The following CA10 variants were observed in gnomAD, a reference collection of about 807,000 sequenced individuals.
The protein encoded by CA10 is carbonic anhydrase 10 (inactive).
Under a neutral mutation model 44.2 loss-of-function variants are expected in CA10, and 14 were observed. The ratio of observed to expected loss-of-function variants is 0.32; its 90% confidence interval spans 0.21 to 0.50. CA10 has a LOEUF of 0.50. Ranked by LOEUF, CA10 falls within the 20% of genes least tolerant of loss-of-function variation. The probability of loss-of-function intolerance (pLI) is 0.99; values close to 1 mark genes in which losing one functional copy is unlikely to be tolerated. For synonymous variants in CA10, 159 were observed against 141.6 expected, an observed-to-expected ratio of 1.12 and a Z score of -0.87; for missense variants, 350 against 409.7, an observed-to-expected ratio of 0.85 and a Z score of 1.26.
At chr17:51,639,623 G>T (rs901031985) in intron 6 of CA10, among the ~76,000 whole-genome samples, 164 of 152,122 alleles carry the variant, frequency 1.1e-3, no homozygotes, top group African/African-American at 3.8e-3. Flanking sequence ...GAGGACATAG[G>T]CAGCTTCTGC....
chr17:51,780,644 T>C (rs763264521), intron 3 of CA10, among the ~76,000 whole-genome samples: 2 of 151,698 alleles, frequency 1.3e-5, no homozygotes, highest in Non-Finnish European at 2.9e-5. Context: ...AATGCAAGAG[T>C]AGAAGTACAC....
At chr17:52,123,327 A>ATG (rs36182455) in intron 1 of CA10, among the ~76,000 whole-genome samples, 3,036 of 147,042 alleles carry the variant, frequency 0.021, 56 homozygotes, top group African/African-American at 0.055. Flanking sequence ...TTACATATAT[A>ATG]TGTGTGTGTG....
At chr17:52,116,369 C>T (rs191153792) in intron 1 of CA10, among the ~76,000 whole-genome samples, 50 of 152,158 alleles carry the variant, frequency 3.3e-4, no homozygotes, top group Non-Finnish European at 6.6e-4. Flanking sequence ...ATAAGGAGTC[C>T]ATGAAACCCC....
chr17:51,873,814 C>T (rs1204838693), intron 3 of CA10, among the ~76,000 whole-genome samples: 1 of 152,128 alleles, frequency 6.6e-6, no homozygotes, highest in Non-Finnish European at 1.5e-5. Context: ...TGTTTTTCTT[C>T]AGCCCACCCA....
At chr17:51,796,705 T>C (rs1166654789) in intron 3 of CA10, among the ~76,000 whole-genome samples, 1 of 152,158 alleles carries the variant, frequency 6.6e-6, no homozygotes, top group African/African-American at 2.4e-5. Flanking sequence ...GAAGTCATTC[T>C]CCTAACTTTA....
intron 3 of CA10, among the ~76,000 whole-genome samples, chr17:51,903,162 G>A (rs1476650029): frequency 1.3e-5 from 2 of 152,078 alleles, no homozygotes; most frequent in East Asian, 1.9e-4. Context: ...TATGGCAAAG[G>A]ATAGTTAGTG....
chr17:51,982,728 A>C (rs117479246), intron 2 of CA10, among the ~76,000 whole-genome samples: 1,598 of 151,914 alleles, frequency 0.011, 13 homozygotes, highest in Non-Finnish European at 0.017. Context: ...TTCCCAATAA[A>C]TTACATCATC....
chr17:52,144,674 G>T (rs1344551498), intron 1 of CA10, among the ~76,000 whole-genome samples: 1 of 152,142 alleles, frequency 6.6e-6, no homozygotes, highest in Non-Finnish European at 1.5e-5. Context: ...AACTGATTAT[G>T]TGCTATGTGC....
At chr17:51,735,320 C>T (rs1916864732) in intron 4 of CA10, among the ~76,000 whole-genome samples, 1 of 152,082 alleles carries the variant, frequency 6.6e-6, no homozygotes, top group Admixed American at 6.5e-5. Context: ...CCTGTTCTCA[C>T]TCATAAGTGG....
At chr17:51,658,881 A>G (rs1051872647) in intron 4 of CA10, among the ~76,000 whole-genome samples, 2 of 152,186 alleles carry the variant, frequency 1.3e-5, no homozygotes, top group Non-Finnish European at 2.9e-5. Flanking sequence ...ATTCAAGCAC[A>G]TGCTATTTTG....
intron 4 of CA10, among the ~76,000 whole-genome samples, chr17:51,731,684 T>TTTAC (rs1168023025): frequency 6.7e-6 from 1 of 149,758 alleles, no homozygotes; most frequent in Non-Finnish European, 1.5e-5. Context: ...GATTTATTTA[T>TTTAC]TTATTTATTT....
intron 1 of CA10, among the ~76,000 whole-genome samples, chr17:52,147,911 C>A (rs1447448232): frequency 6.6e-6 from 1 of 151,946 alleles, no homozygotes; most frequent in East Asian, 1.9e-4. Context: ...AAGCAAACAA[C>A]AACAAATTAT....
At chr17:52,095,369 T>C (rs1988377803) in intron 1 of CA10, among the ~76,000 whole-genome samples, 1 of 152,148 alleles carries the variant, frequency 6.6e-6, no homozygotes, top group Non-Finnish European at 1.5e-5. Context: ...TATGGAGTGA[T>C]GAAAATGTTC....
intron 2 of CA10, among the ~76,000 whole-genome samples, chr17:52,059,008 G>A (rs992288230): frequency 3.3e-5 from 5 of 152,014 alleles, no homozygotes; most frequent in African/African-American, 1.2e-4. Flanking sequence ...CCATTTTTGG[G>A]GAAAAGAAAT....
At chr17:51,947,456 A>C (rs1983326378) in intron 2 of CA10, among the ~76,000 whole-genome samples, 1 of 152,086 alleles carries the variant, frequency 6.6e-6, no homozygotes, top group African/African-American at 2.4e-5. Flanking sequence ...GTGCTGTGCA[A>C]ATATTTCTAC....
At chr17:51,651,391 T>C (rs1337334363) in intron 5 of CA10, among the ~76,000 whole-genome samples, 1 of 152,112 alleles carries the variant, frequency 6.6e-6, no homozygotes, top group Non-Finnish European at 1.5e-5. Flanking sequence ...TTCTGGGAGT[T>C]GATTATATGG....
intron 4 of CA10, among the ~76,000 whole-genome samples, chr17:51,718,936 G>A (rs1263974346): frequency 6.6e-6 from 1 of 152,142 alleles, no homozygotes; most frequent in East Asian, 1.9e-4. Context: ...CTACTGCCCT[G>A]AGGATGTCTT....
intron 3 of CA10, among the ~76,000 whole-genome samples, chr17:51,804,359 T>G (rs1189637395): frequency 6.6e-6 from 1 of 152,210 alleles, no homozygotes; most frequent in Non-Finnish European, 1.5e-5. Context: ...TTTCATCCTC[T>G]TCACAGAATG....
intron 3 of CA10, among the ~76,000 whole-genome samples, chr17:51,791,198 T>C (rs369267133): frequency 7.2e-5 from 11 of 152,184 alleles, no homozygotes; most frequent in African/African-American, 2.7e-4. Context: ...TCCTAGTAAA[T>C]AGAAGAGCTA....
Sources: allele counts gnomAD v4.1 joint callset (sites outside exome capture counted in the v4.1 genomes callset), GRCh38; gene constraint gnomAD v4.1.1; transcripts MANE v1.5; gene names NCBI Gene and HGNC (gene_info 2026-07-23, HGNC 2026-07-21).